CCDC7: variants seen among roughly 807,000 people sequenced by gnomAD.
CCDC7 encodes the protein coiled-coil domain containing 7, also known as coiled-coil domain-containing protein 7.
In CCDC7, 183 loss-of-function variants were observed where a neutral mutation model predicts 196.9. That is an observed-to-expected ratio of 0.93 (90% confidence interval 0.82 to 1.05). The LOEUF is 1.05. Among genes scored for constraint, CCDC7 ranks in the 50% least tolerant of loss-of-function variants. The pLI is 0.00. For missense variants in CCDC7, 1,540 were observed against 1,482.2 expected, an observed-to-expected ratio of 1.04 and a Z score of -0.64; for synonymous variants, 525 against 484.6, an observed-to-expected ratio of 1.08 and a Z score of -1.10.
At chr10:32,463,211 A>G (rs962412202) in intron 5 of CCDC7, among the ~76,000 whole-genome samples, 162 bp downstream of exon 6, 1 of 152,104 alleles carries the variant, frequency 6.6e-6, no homozygotes, top group Non-Finnish European at 1.5e-5. Context: ...TGGATGGGAT[A>G]AAATATTTCT....
rs962253203 is a variant in CCDC7 at position 32,550,839 on chromosome 10, G to A, written c.1134+6538G>A. ...GGATTTTAGCATCTATGTTCATCAG[G>A]GATATTGGTCTGTAGTTTTCTTTTT... On this transcript the variant is annotated intron_variant, in intron 13 of 41. Coordinates refer to ENST00000639629, the Ensembl canonical transcript of CCDC7. 9.6e-4 allele frequency among the ~76,000 whole-genome samples: 146 copies of A among 152,000 alleles called. 1 individual carries two copies. Among genetic ancestry groups the A allele is most frequent in the African/African-American group, 3.4e-3 (142 of 41,394 alleles).
intron 28 of CCDC7, among the ~76,000 whole-genome samples, chr10:32,757,530 A>G (rs2076668797): frequency 6.6e-6 from 1 of 152,250 alleles, no homozygotes; most frequent in Non-Finnish European, 1.5e-5. Context: ...TGAAGGCAGA[A>G]ATAAAGATGT....
chr10:32,456,223 C>T (rs1330747276), intron 2 of CCDC7, 28 bp from the exon 4 acceptor site: 1 of 1,485,914 alleles, frequency 6.7e-7, no homozygotes, highest in Admixed American at 1.9e-5. Flanking sequence ...TTAAATGTAA[C>T]TTTATGTTTT....
chr10:32,677,719 G>T (rs2075246065), intron 21 of CCDC7, among the ~76,000 whole-genome samples: 1 of 151,962 alleles, frequency 6.6e-6, no homozygotes, highest in African/African-American at 2.4e-5. Context: ...AGGATCCTTT[G>T]TGTTTCGTGT....
At chr10:32,631,539 T>C (rs1482238111) in intron 18 of CCDC7, among the ~76,000 whole-genome samples, 1 of 152,170 alleles carries the variant, frequency 6.6e-6, no homozygotes, top group Admixed American at 6.6e-5. Context: ...TGCCACACTC[T>C]TGATTACTGA....
chr10:32,582,012 C>G (rs1013258761), intron 16 of CCDC7, among the ~76,000 whole-genome samples: 1 of 149,054 alleles, frequency 6.7e-6, no homozygotes, highest in Admixed American at 6.8e-5. Context: ...AGGAAGCCAG[C>G]TATTCTCTTT....
intron 21 of CCDC7, among the ~76,000 whole-genome samples, chr10:32,685,183 G>A (rs2076327519): frequency 7.2e-6 from 1 of 139,568 alleles, no homozygotes; most frequent in African/African-American, 2.7e-5. Flanking sequence ...TTACCTAACG[G>A]TGGCATACAA....
chr10:32,564,490 T>C (rs954137956), intron 13 of CCDC7, among the ~76,000 whole-genome samples: 5 of 152,206 alleles, frequency 3.3e-5, no homozygotes, highest in South Asian at 2.1e-4. Flanking sequence ...GATGAGTTCA[T>C]GTCCTTTGTA....
At chr10:32,449,798 G>A (rs1186993912), upstream of CCDC7, among the ~76,000 whole-genome samples, 1 of 152,134 alleles carries the variant, frequency 6.6e-6, no homozygotes. Flanking sequence ...GGTTATGAGT[G>A]CAGCACCCTC....
intron 39 of CCDC7, among the ~76,000 whole-genome samples, chr10:32,849,875 C>A (rs186208288): frequency 5.3e-4 from 81 of 152,160 alleles, no homozygotes; most frequent in African/African-American, 1.8e-3. Flanking sequence ...GAGACCTCTG[C>A]ATAGGGTATA....
chr10:32,724,592 A>G (rs1049564208), intron 25 of CCDC7, among the ~76,000 whole-genome samples: 1 of 152,134 alleles, frequency 6.6e-6, no homozygotes, highest in Non-Finnish European at 1.5e-5. Flanking sequence ...TGGGAACCCC[A>G]AATGAAAAGC....
Position 32,834,999 on chromosome 10 carries a change from C to A in CCDC7, c.3352+101C>A, listed in dbSNP as rs12251912. On this transcript the variant is annotated intron_variant, in intron 33 of 41. Coordinates refer to ENST00000639629, the Ensembl canonical transcript of CCDC7. ...AACTGTAGCTGTAAGTTATTACATG[C>A]GAAAATATCTTCATGAATTTCCTCC... is the stretch of plus-strand genomic sequence containing the variant. 1.0e-5 allele frequency: 5 copies of A among 497,616 alleles called. No individual in the cohort carries two copies. The South Asian group carries it at 1.0e-4, about 10-fold the overall frequency. 30.8% of individuals were successfully genotyped at this position (497,616 alleles called of 1,614,324 possible). A position where few individuals can be genotyped will look rare whatever the true frequency, so the allele number is the denominator to read the frequency against.
At chr10:32,804,095 A>C (rs975235400) in intron 29 of CCDC7, among the ~76,000 whole-genome samples, 7 of 152,198 alleles carry the variant, frequency 4.6e-5, no homozygotes, top group African/African-American at 1.7e-4. Context: ...ATGTCTAGGT[A>C]ACAACTGGTT....
intron 31 of CCDC7, among the ~76,000 whole-genome samples, chr10:32,821,345 C>T (rs1044197217): frequency 7.9e-5 from 12 of 152,062 alleles, no homozygotes; most frequent in African/African-American, 2.9e-4. Context: ...GAAATAGGAA[C>T]ACTTTTACAC....
chr10:32,847,972 G>A, intron 38 of CCDC7, 56 bp downstream of exon 39: 3 of 1,114,810 alleles, frequency 2.7e-6, no homozygotes, highest in Non-Finnish European at 4.0e-6. Context: ...TGGGGTTTAA[G>A]TATGAATCTT....
At chr10:32,841,785 A>C (rs2092991228) in intron 33 of CCDC7, among the ~76,000 whole-genome samples, 1 of 152,104 alleles carries the variant, frequency 6.6e-6, no homozygotes, top group East Asian at 1.9e-4. Context: ...CAGAATAAAG[A>C]ACCCAGAAAT....
At chr10:32,520,640 G>C (rs1349254527) in intron 11 of CCDC7, among the ~76,000 whole-genome samples, 1 of 152,032 alleles carries the variant, frequency 6.6e-6, no homozygotes, top group Non-Finnish European at 1.5e-5. Flanking sequence ...CAGATGGGTA[G>C]TTTGGAAATA....
intron 23 of CCDC7, among the ~76,000 whole-genome samples, chr10:32,692,940 T>C (rs1259377847): frequency 1.3e-5 from 2 of 152,150 alleles, no homozygotes; most frequent in Non-Finnish European, 2.9e-5. Context: ...TAGCTGGAGC[T>C]CTGAACCACA....
chr10:32,728,936 A>G lies in CCDC7; in HGVS notation c.2718A>G (p.Ser906=), dbSNP rs1301916907. Residue 906 remains serine (S), a synonymous_variant, in exon 27 of 42, where the codon TCA becomes TCG. Coordinates refer to ENST00000639629, the Ensembl canonical transcript of CCDC7. Reference sequence around the variant, plus strand: ...ATGTGATTTCTGTTCATCAAGATTCAAAGTCAAAACTCCAAATGCAAGAAA... The same window carrying G: ...ATGTGATTTCTGTTCATCAAGATTCGAAGTCAAAACTCCAAATGCAAGAAA... 1.9e-6 allele frequency: 3 copies of G among 1,610,118 alleles called. No individual in the cohort carries two copies. The Admixed American group carries it at 5.0e-5, about 27-fold the overall frequency.
Sources: allele counts gnomAD v4.1 joint callset (sites outside exome capture counted in the v4.1 genomes callset), GRCh38; gene constraint gnomAD v4.1.1; transcripts MANE v1.5; gene names NCBI Gene and HGNC (gene_info 2026-07-23, HGNC 2026-07-21).